The following ARNT2 variants were observed in gnomAD, a reference collection of about 807,000 sequenced individuals.
ARNT2 encodes aryl hydrocarbon receptor nuclear translocator 2, also known as ARNT protein 2.
Under a neutral mutation model 91.7 loss-of-function variants are expected in ARNT2, and 36 were observed. The observed-to-expected ratio is 0.39, with a 90% confidence interval of 0.30 to 0.52. ARNT2 has a LOEUF of 0.52. Among genes scored for constraint, ARNT2 ranks in the 20% least tolerant of loss-of-function variants. The pLI, the probability that ARNT2 is intolerant of heterozygous loss-of-function variation, is 0.72. For synonymous variants in ARNT2, 365 were observed against 347.1 expected (o/e 1.05, Z -0.57); for missense variants, 775 against 939.3 (o/e 0.83, Z 2.29).
chr15:80,416,495 A>G (rs576537036), intron 1 of ARNT2, among the ~76,000 whole-genome samples: 2 of 152,318 alleles, frequency 1.3e-5, no homozygotes, highest in South Asian at 4.1e-4. Flanking sequence ...ACCTTATTCA[A>G]TTTTCACCAA....
chr15:80,566,635 C>T (rs979701257), intron 12 of ARNT2, among the ~76,000 whole-genome samples: 22 of 152,220 alleles, frequency 1.4e-4, no homozygotes, highest in Non-Finnish European at 2.8e-4. Context: ...CTGTTGTTAG[C>T]ACCTTACAGC....
chr15:80,459,285 T>A (rs1316149597), intron 3 of ARNT2, among the ~76,000 whole-genome samples: 1 of 152,208 alleles, frequency 6.6e-6, no homozygotes, highest in Non-Finnish European at 1.5e-5. Flanking sequence ...TGAGTTTCAA[T>A]AACAAAAGCA....
Position 80,511,021 on chromosome 15 carries a change from C to T in ARNT2, c.725+2763C>T, listed in dbSNP as rs549211215. On this transcript the variant is annotated intron_variant, in intron 6 of 18. Coordinates refer to ENST00000303329, the MANE Select transcript of ARNT2 (RefSeq NM_014862.4). ...TACCATTTGACCCAGCAATCCCATT[C>T]CTGGGTATATACCCAAAGAACTATA... Among the ~76,000 whole-genome samples, 5 of 152,118 alleles carry T rather than the reference C, an allele frequency of 3.3e-5. No homozygotes were observed. The East Asian group carries it at 7.7e-4, about 24-fold the overall frequency.
intron 1 of ARNT2, among the ~76,000 whole-genome samples, chr15:80,417,633 C>CT (rs112879883): frequency 0.07 from 10,617 of 151,372 alleles, 426 homozygotes; most frequent in Admixed American, 0.1. Context: ...TCTCCTGCTC[C>CT]TTTTTTCCTT....
chr15:80,458,403 T>A (rs142853114), intron 3 of ARNT2, among the ~76,000 whole-genome samples: 51 of 152,210 alleles, frequency 3.4e-4, no homozygotes, highest in African/African-American at 1.2e-3. Flanking sequence ...ACTGTCAAGA[T>A]AAGTCTTTTA....
At chr15:80,501,219 C>G (rs998733807) in intron 5 of ARNT2, among the ~76,000 whole-genome samples, 1 of 152,024 alleles carries the variant, frequency 6.6e-6, no homozygotes, top group Non-Finnish European at 1.5e-5. Context: ...TAGGAAAAAC[C>G]TGGAAACAAA....
In ARNT2 at chr15:80,433,233, ATTTATTTTATTTTATTTTATTTTAT is replaced by A. The variant is rs1321371343; in HGVS notation, c.32-17603_32-17579del. 4.9e-3 allele frequency among the ~76,000 whole-genome samples: 466 copies of A among 95,550 alleles called. 3 individuals are homozygous for A. The highest frequency in any genetic ancestry group is 0.015 in the African/African-American group (436 of 28,426). The allele number at this position is 95,550 out of a possible 152,430, so 62.7% of individuals were successfully genotyped here. A position where few individuals can be genotyped will look rare whatever the true frequency, so the allele number is the denominator to read the frequency against. ...CTTTTTAGAAAAGGCACTATATTTT[ATTTATTTTATTTTATTTTATTTTAT>A]TTTATTTTATTTTATTTTATTTTAT... is the stretch of plus-strand genomic sequence containing the variant. On this transcript the variant is annotated intron_variant, in intron 1 of 18. Coordinates refer to ENST00000303329, the MANE Select transcript of ARNT2 (RefSeq NM_014862.4).
At chr15:80,573,835 G>A (rs143969397) in intron 12 of ARNT2, among the ~76,000 whole-genome samples, 3 of 152,330 alleles carry the variant, frequency 2.0e-5, no homozygotes, top group African/African-American at 7.2e-5. Flanking sequence ...GCTTCATTCA[G>A]CATTAAACCC....
chr15:80,548,289 A>C (rs569414995), intron 8 of ARNT2, among the ~76,000 whole-genome samples: 25 of 152,296 alleles, frequency 1.6e-4, no homozygotes, highest in African/African-American at 6.0e-4. Flanking sequence ...TAATATGATA[A>C]ATGTGTGTGC....
At chr15:80,438,033 A>G (rs1483399857) in intron 1 of ARNT2, among the ~76,000 whole-genome samples, 1 of 151,956 alleles carries the variant, frequency 6.6e-6, no homozygotes, top group Non-Finnish European at 1.5e-5. Flanking sequence ...CTTAATGCTG[A>G]ATGGCTGAGC....
intron 8 of ARNT2, among the ~76,000 whole-genome samples, chr15:80,519,060 A>G (rs896219563): frequency 6.6e-6 from 1 of 152,206 alleles, no homozygotes; most frequent in Non-Finnish European, 1.5e-5. Flanking sequence ...GTAAAGTTAA[A>G]AATATTGTTT....
chr15:80,406,639 C>T (rs1895605155), intron 1 of ARNT2, among the ~76,000 whole-genome samples: 1 of 152,174 alleles, frequency 6.6e-6, no homozygotes, highest in Non-Finnish European at 1.5e-5. Context: ...GTGTGAAGCA[C>T]AGGAAAGCCT....
chr15:80,574,131 GTCT>G lies in ARNT2; in HGVS notation c.1317-12_1317-10del, dbSNP rs761925072. 2.5e-6 allele frequency: 4 copies of G among 1,613,216 alleles called. No homozygotes were observed. Among genetic ancestry groups the G allele is most frequent in the Non-Finnish European group, 3.4e-6 (4 of 1,179,144 alleles). ...CTTCTGTTCTTCATGACCCTCTGTTGTCTTCTTGTTTCACAGGCAACTTCAGCA... is the reference window on the plus strand; with the variant it reads ...CTTCTGTTCTTCATGACCCTCTGTTGTCTTGTTTCACAGGCAACTTCAGCA... On this transcript the variant is annotated splice_polypyrimidine_tract_variant and intron_variant, in intron 12 of 18. Transcript: ENST00000303329.
chr15:80,552,954 CT>C (rs1477720702), intron 10 of ARNT2, among the ~76,000 whole-genome samples, 180 bp downstream of exon 10: 1 of 152,208 alleles, frequency 6.6e-6, no homozygotes, highest in African/African-American at 2.4e-5. Context: ...GTTGTAAACA[CT>C]TGTGCCACTT....
At chr15:80,465,993 C>T (rs1896647026) in intron 3 of ARNT2, among the ~76,000 whole-genome samples, 1 of 152,208 alleles carries the variant, frequency 6.6e-6, no homozygotes, top group South Asian at 2.1e-4. Context: ...CTCCAGTACC[C>T]AGCACAGTAA....
At chr15:80,415,622 C>T (rs925095993) in intron 1 of ARNT2, among the ~76,000 whole-genome samples, 4 of 152,048 alleles carry the variant, frequency 2.6e-5, no homozygotes, top group South Asian at 2.1e-4. Flanking sequence ...CGGAAGTCCA[C>T]GTGAGGGACG....
chr15:80,435,075 G>A (rs965289976), intron 1 of ARNT2, among the ~76,000 whole-genome samples: 3 of 152,014 alleles, frequency 2.0e-5, no homozygotes, highest in Non-Finnish European at 4.4e-5. Flanking sequence ...CACTCTCCAC[G>A]CTCACTGAAG....
intron 1 of ARNT2, among the ~76,000 whole-genome samples, chr15:80,426,983 C>A (rs1895942048): frequency 6.6e-6 from 1 of 152,174 alleles, no homozygotes; most frequent in South Asian, 2.1e-4. Context: ...GCTCCACCCT[C>A]ATTCATGACC....
intron 5 of ARNT2, among the ~76,000 whole-genome samples, chr15:80,492,263 C>G (rs1346319043): frequency 3.3e-5 from 5 of 152,164 alleles, no homozygotes; most frequent in Non-Finnish European, 7.3e-5. Context: ...ATTTCAAACT[C>G]CTAGGCTCAA....
Sources: gnomAD v4.1 joint callset for allele counts (sites outside exome capture counted in the v4.1 genomes callset) on GRCh38, gnomAD v4.1.1 for gene constraint, MANE v1.5 for transcripts, NCBI Gene and HGNC (gene_info 2026-07-23, HGNC 2026-07-21) for gene names.